The following NEGR1 variants were observed in gnomAD, a reference collection of about 807,000 sequenced individuals.
The protein encoded by NEGR1 is neuronal growth regulator 1, also known as IgLON family member 4.
In NEGR1, 10 loss-of-function variants were observed where a neutral mutation model predicts 40.9. That is an observed-to-expected ratio of 0.24 (90% CI 0.15 to 0.42). The LOEUF (loss-of-function observed/expected upper bound fraction) is 0.42, where lower values mean the gene tolerates loss of function less well. Among genes scored for constraint, NEGR1 ranks in the 10% least tolerant of loss-of-function variants. The probability of loss-of-function intolerance (pLI) is 1.00; values close to 1 mark genes in which losing one functional copy is unlikely to be tolerated. For synonymous variants in NEGR1, 185 were observed against 166.8 expected, an observed-to-expected ratio of 1.11 and a Z score of -0.84; for missense variants, 352 against 438.9, an observed-to-expected ratio of 0.80 and a Z score of 1.77.
intron 2 of NEGR1, among the ~76,000 whole-genome samples, chr1:71,922,571 A>T (rs1030934310): frequency 3.3e-5 from 5 of 152,190 alleles, no homozygotes; most frequent in African/African-American, 4.8e-5. Flanking sequence ...AGGGTAATTA[A>T]TTTTGTTGAT....
At chr1:71,611,772 C>T (rs1336457174) in intron 4 of NEGR1, among the ~76,000 whole-genome samples, 1 of 152,088 alleles carries the variant, frequency 6.6e-6, no homozygotes, top group Non-Finnish European at 1.5e-5. Flanking sequence ...GTTTCTTCTG[C>T]CCGAATGCCG....
chr1:71,504,314 A>G (rs1420913825), intron 6 of NEGR1, among the ~76,000 whole-genome samples: 1 of 151,946 alleles, frequency 6.6e-6, no homozygotes, highest in Non-Finnish European at 1.5e-5. Flanking sequence ...AGAGGAAGAA[A>G]AGCAGAAACA....
At chr1:71,882,032 A>G (rs956682134) in intron 2 of NEGR1, among the ~76,000 whole-genome samples, 21 of 152,106 alleles carry the variant, frequency 1.4e-4, no homozygotes, top group Non-Finnish European at 2.2e-4. Context: ...ATGTTTTCAT[A>G]TTAATACAGT....
At chr1:72,131,068 T>C (rs1650231385) in intron 1 of NEGR1, among the ~76,000 whole-genome samples, 1 of 152,204 alleles carries the variant, frequency 6.6e-6, no homozygotes, top group South Asian at 2.1e-4. Context: ...ATCCACTTAA[T>C]TGGCAAATAC....
intron 1 of NEGR1, among the ~76,000 whole-genome samples, chr1:72,190,955 T>C (rs1652799222): frequency 6.6e-6 from 1 of 151,758 alleles, no homozygotes; most frequent in South Asian, 2.1e-4. Flanking sequence ...TGGATTCTGC[T>C]ACTTATTTTT....
At chr1:71,663,023 C>A (rs924159460) in intron 4 of NEGR1, among the ~76,000 whole-genome samples, 5 of 151,832 alleles carry the variant, frequency 3.3e-5, no homozygotes, top group African/African-American at 1.2e-4. Flanking sequence ...GTGGCACGAT[C>A]TCGGCTCACT....
intron 4 of NEGR1, among the ~76,000 whole-genome samples, chr1:71,657,410 T>C (rs2101587646): frequency 6.6e-6 from 1 of 152,348 alleles, no homozygotes; most frequent in East Asian, 1.9e-4. Flanking sequence ...ACATGAATGC[T>C]CACTTTTTCA....
chr1:71,742,290 G>C (rs1176823005), intron 3 of NEGR1, among the ~76,000 whole-genome samples: 1 of 152,078 alleles, frequency 6.6e-6, no homozygotes, highest in Non-Finnish European at 1.5e-5. Context: ...AGCTATAGGA[G>C]AATGACCCCT....
chr1:71,923,367 ACACTCT>A (rs974198480), intron 2 of NEGR1, among the ~76,000 whole-genome samples: 14 of 150,732 alleles, frequency 9.3e-5, no homozygotes, highest in Admixed American at 2.0e-4. Flanking sequence ...ACACACACAC[ACACTCT>A]CTCTCTCTCT....
At chr1:71,942,276 A>T (rs928415132) in intron 1 of NEGR1, among the ~76,000 whole-genome samples, 1 of 150,170 alleles carries the variant, frequency 6.7e-6, no homozygotes, top group Admixed American at 6.7e-5. Context: ...ACATTTTTAC[A>T]TTGTAAATTA....
chr1:71,619,945 C>T (rs1650559078), intron 4 of NEGR1, among the ~76,000 whole-genome samples: 1 of 152,028 alleles, frequency 6.6e-6, no homozygotes, highest in African/African-American at 2.4e-5. Flanking sequence ...CTCATGCCAT[C>T]CTCAATGGGA....
At chr1:71,687,408 T>G (rs1653075248) in intron 4 of NEGR1, among the ~76,000 whole-genome samples, 1 of 152,148 alleles carries the variant, frequency 6.6e-6, no homozygotes, top group African/African-American at 2.4e-5. Flanking sequence ...ACAGTGGGCA[T>G]TTTGTTTTGT....
In NEGR1 at chr1:72,202,466, A is replaced by G. The variant is rs532276986; in HGVS notation, c.176+79853T>C. ...ACTCTAAAGACTAGATCTCTTGAGCAAAATAGCCAAGTTGTAATAGAAAGG... is the reference window on the plus strand; with the variant it reads ...ACTCTAAAGACTAGATCTCTTGAGCGAAATAGCCAAGTTGTAATAGAAAGG... On this transcript the variant is annotated intron_variant, in intron 1 of 6. Transcript: ENST00000357731. Among the ~76,000 whole-genome samples, 3 of 152,148 alleles carry G rather than the reference A, an allele frequency of 2.0e-5. No homozygotes were observed. The Middle Eastern group carries it at 0.01, about 518-fold the overall frequency.
intron 1 of NEGR1, among the ~76,000 whole-genome samples, chr1:72,257,304 A>G (rs1304086589): frequency 7.1e-6 from 1 of 140,116 alleles, no homozygotes; most frequent in East Asian, 2.0e-4. Flanking sequence ...CCTGGGCGAC[A>G]GAGCGAGACT....
intron 2 of NEGR1, among the ~76,000 whole-genome samples, chr1:71,777,854 A>G (rs1274362876): frequency 1.3e-5 from 2 of 152,080 alleles, no homozygotes; most frequent in East Asian, 3.9e-4. Flanking sequence ...ACACCACTGT[A>G]ACTGTTTCCA....
chr1:71,942,455 C>CTA (rs1158006683), intron 1 of NEGR1, among the ~76,000 whole-genome samples: 1,570 of 21,248 alleles, frequency 0.074, 87 homozygotes, highest in Middle Eastern at 0.11. Context: ...TTCTTTAAAT[C>CTA]TATATATATA....
intron 6 of NEGR1, among the ~76,000 whole-genome samples, chr1:71,453,075 A>G (rs1478406594): frequency 6.6e-6 from 1 of 152,196 alleles, no homozygotes; most frequent in East Asian, 1.9e-4. Context: ...TTGGTTTTAT[A>G]TAGCATCTTT....
chr1:71,896,792 T>A (rs887908705), intron 2 of NEGR1, among the ~76,000 whole-genome samples: 3 of 152,208 alleles, frequency 2.0e-5, no homozygotes, highest in African/African-American at 7.2e-5. Flanking sequence ...CCAGCAACAT[T>A]TGTTGAAAAG....
intron 6 of NEGR1, among the ~76,000 whole-genome samples, chr1:71,581,729 G>A (rs1038380995): frequency 3.3e-5 from 5 of 149,878 alleles, no homozygotes; most frequent in Non-Finnish European, 5.9e-5. Context: ...TTGAGACCGG[G>A]TCTCACTCTG....
Sources: gnomAD v4.1 joint callset for allele counts (sites outside exome capture counted in the v4.1 genomes callset) on GRCh38, gnomAD v4.1.1 for gene constraint, MANE v1.5 for transcripts, NCBI Gene and HGNC (gene_info 2026-07-23, HGNC 2026-07-21) for gene names.